The following DOCK4 variants were observed in gnomAD, a reference collection of about 807,000 sequenced individuals.
DOCK4 encodes the protein dedicator of cytokinesis 4, also known as dedicator of cytokinesis protein 4.
Under a neutral mutation model 268.1 loss-of-function variants are expected in DOCK4, and 97 were observed. The observed-to-expected ratio is 0.36, with a 90% CI of 0.31 to 0.43. The LOEUF is 0.43. Among genes scored for constraint, DOCK4 ranks in the 20% least tolerant of loss-of-function variants. DOCK4 has a pLI of 1.00. For synonymous variants in DOCK4, 954 were observed against 887.2 expected (o/e 1.08, Z -1.34); for missense variants, 2,145 against 2,455.7 (o/e 0.87, Z 2.67).
chr7:111,735,212 C>A (rs1435068833), intron 50 of DOCK4, 45 bp from the exon 51 acceptor site: 2 of 1,279,998 alleles, frequency 1.6e-6, no homozygotes, highest in Non-Finnish European at 2.1e-6. Context: ...CCAGCTTTGC[C>A]CTTCCAATGC....
At chr7:112,177,553 A>G (rs1165278515) in intron 1 of DOCK4, among the ~76,000 whole-genome samples, 1 of 152,172 alleles carries the variant, frequency 6.6e-6, no homozygotes, top group Non-Finnish European at 1.5e-5. Flanking sequence ...TCATTCCTCA[A>G]AACCAGTCAC....
At chr7:111,945,106 C>G (rs1487267684) in intron 9 of DOCK4, among the ~76,000 whole-genome samples, 1 of 152,232 alleles carries the variant, frequency 6.6e-6, no homozygotes, top group African/African-American at 2.4e-5. Flanking sequence ...TTCAATCTCT[C>G]ACTCATTCAT....
chr7:112,013,611 C>A (rs1458806240), intron 1 of DOCK4, among the ~76,000 whole-genome samples: 1 of 152,208 alleles, frequency 6.6e-6, no homozygotes, highest in African/African-American at 2.4e-5. Flanking sequence ...GCCTCTTACT[C>A]CTGTCCCCTT....
At chr7:112,007,818 A>G (rs557218332) in intron 1 of DOCK4, among the ~76,000 whole-genome samples, 1 of 152,296 alleles carries the variant, frequency 6.6e-6, no homozygotes, top group East Asian at 1.9e-4. Flanking sequence ...AGTATCTGTT[A>G]TTTTCAAATT....
rs559704833 is a variant in DOCK4, at chr7:112,020,633, G to C, written c.38-16502C>G. ...GTAAGACCATGTGGCACAGAAGATA[G>C]GCCAAAACTGACTTGGCTTTCTATG... On this transcript the variant is annotated intron_variant, in intron 1 of 52. Transcript: ENST00000428084. 2.7e-5 allele frequency among the ~76,000 whole-genome samples: 4 copies of C among 147,154 alleles called. No individual in the cohort carries two copies. In the East Asian group the frequency reaches 8.0e-4, roughly 29 times the overall value.
At chr7:111,818,450 T>C (rs2133947741) in intron 27 of DOCK4, among the ~76,000 whole-genome samples, 1 of 152,340 alleles carries the variant, frequency 6.6e-6, no homozygotes, top group South Asian at 2.1e-4. Context: ...CAATTCATCC[T>C]TTTACTTAGG....
intron 26 of DOCK4, among the ~76,000 whole-genome samples, chr7:111,832,400 A>G (rs1356028935): frequency 6.6e-6 from 1 of 152,332 alleles, no homozygotes; most frequent in East Asian, 1.9e-4. Flanking sequence ...GGAACAGGGT[A>G]TCTTGTGCCT....
At position 112,154,503 on chromosome 7, in the gene DOCK4, A is replaced by T. The variant is rs547814492; in HGVS notation, c.37+51599T>A. 4.7e-3 allele frequency among the ~76,000 whole-genome samples: 535 copies of T among 113,444 alleles called. 2 individuals carry two copies. The highest frequency in any genetic ancestry group is 7.3e-3 in the Non-Finnish European group (380 of 51,766). The allele number at this position is 113,444 out of a possible 152,430, so 74.4% of individuals were successfully genotyped here. On this transcript the variant is annotated intron_variant, in intron 1 of 52. Transcript: ENST00000428084. ...TCTACAGTGATGTTTTACATTTGTC[A>T]CAAATGTCCTTCCACGCTTAACAAG...
At chr7:111,785,741 T>C (rs1799120557) in intron 32 of DOCK4, among the ~76,000 whole-genome samples, 1 of 152,122 alleles carries the variant, frequency 6.6e-6, no homozygotes, top group South Asian at 2.1e-4. Flanking sequence ...TGAGAGTGGG[T>C]ATTTTCATTT....
At chr7:111,851,326 T>C (rs1804529453) in intron 23 of DOCK4, among the ~76,000 whole-genome samples, 1 of 150,990 alleles carries the variant, frequency 6.6e-6, no homozygotes, top group Non-Finnish European at 1.5e-5. Flanking sequence ...CGCCTGTAAG[T>C]CCCAGCTACT....
chr7:111,816,725 A>C (rs566380298), intron 27 of DOCK4, among the ~76,000 whole-genome samples: 34 of 152,220 alleles, frequency 2.2e-4, no homozygotes, highest in Non-Finnish European at 4.1e-4. Context: ...CTGTGGCCTC[A>C]TGAGTACATT....
intron 25 of DOCK4, among the ~76,000 whole-genome samples, chr7:111,836,734 G>T (rs1465850846): frequency 1.3e-5 from 2 of 152,130 alleles, no homozygotes; most frequent in African/African-American, 2.4e-5. Flanking sequence ...CAATTTGTGA[G>T]ATGAATATTA....
intron 40 of DOCK4, 99 bp from the exon 41 acceptor site, chr7:111,758,889 C>A: frequency 1.8e-6 from 2 of 1,097,664 alleles, no homozygotes; most frequent in South Asian, 1.6e-5. Context: ...GGGTAACAAT[C>A]TTCTGTTTCC....
chr7:111,895,553 T>TTTTGAAA, intron 16 of DOCK4, 59 bp downstream of exon 16: 1 of 1,356,302 alleles, frequency 7.4e-7, no homozygotes, highest in Non-Finnish European at 1.1e-6. Flanking sequence ...GATAAGATAG[T>TTTTGAAA]GAGGTGTTAT....
At chr7:112,050,710 AGTGTAT>A (rs1805270659) in intron 1 of DOCK4, among the ~76,000 whole-genome samples, 1 of 152,134 alleles carries the variant, frequency 6.6e-6, no homozygotes, top group Admixed American at 6.6e-5. Context: ...TCCAGCTTCC[AGTGTAT>A]ACTTAACTCT....
At position 111,847,065 on chromosome 7, in the gene DOCK4, C is replaced by T; in HGVS notation, c.2535G>A (p.Gln845=). The part of the protein sequence containing the change: ...LHHLHIHLQE[Q]KDLIMCARIL... ...TACGTGCACACATGATCAGGTCCTTCTGTTCTTGCAAGTGAATGTGGAGGT... is the reference window on the plus strand; with the variant it reads ...TACGTGCACACATGATCAGGTCCTTTTGTTCTTGCAAGTGAATGTGGAGGT... The change falls in exon 24 of 53, where the codon CAG becomes CAA. Residue 845 remains glutamine (Q), a synonymous_variant. Transcript: ENST00000428084. 6.2e-7 allele frequency: 1 copy of T among 1,613,832 alleles called. No individual in the cohort carries two copies. The highest frequency in any genetic ancestry group is 8.5e-7 in the Non-Finnish European group (1 of 1,179,790).
intron 10 of DOCK4, among the ~76,000 whole-genome samples, chr7:111,941,643 TA>T (rs112474229): frequency 0.017 from 2,506 of 146,896 alleles, 66 homozygotes; most frequent in African/African-American, 0.057. Flanking sequence ...AGCTCCTTAT[TA>T]AAAAAAAAAA....
intron 39 of DOCK4, 31 bp from the exon 40 acceptor site, chr7:111,760,353 C>T (rs1327468675): frequency 1.2e-6 from 2 of 1,602,778 alleles, no homozygotes; most frequent in Admixed American, 1.7e-5. Flanking sequence ...GAAATTAGGG[C>T]TATATAACTG....
chr7:111,865,692 GGT>G (rs1230090926), intron 22 of DOCK4, among the ~76,000 whole-genome samples: 35 of 152,236 alleles, frequency 2.3e-4, no homozygotes, highest in African/African-American at 8.4e-4. Flanking sequence ...GATTTATCCA[GGT>G]GGGCCTCACC....
Sources: allele counts gnomAD v4.1 joint callset (sites outside exome capture counted in the v4.1 genomes callset), GRCh38; gene constraint gnomAD v4.1.1; transcripts MANE v1.5; gene names NCBI Gene and HGNC (gene_info 2026-07-23, HGNC 2026-07-21).